ARL10: variants seen among roughly 807,000 people sequenced by gnomAD.
ARL10 encodes ADP-ribosylation factor-like protein 10.
Under a neutral mutation model 26.1 loss-of-function variants are expected in ARL10, and 23 were observed. That is an observed-to-expected ratio of 0.88 (90% CI 0.63 to 1.25). The LOEUF (loss-of-function observed/expected upper bound fraction) is 1.25, where lower values mean the gene tolerates loss of function less well. ARL10 is among the 50% of genes most tolerant of loss of function. The probability of loss-of-function intolerance (pLI) is 0.00; values close to 1 mark genes in which losing one functional copy is unlikely to be tolerated. For missense variants in ARL10, 300 were observed against 323.6 expected, an observed-to-expected ratio of 0.93 and a Z score of 0.56; for synonymous variants, 138 against 149.1, an observed-to-expected ratio of 0.93 and a Z score of 0.54.
chr5:176,373,006 A>G lies in ARL10; in HGVS notation c.*1111A>G, dbSNP rs1036659749. 6 of 398,550 alleles carry G rather than the reference A, an allele frequency of 1.5e-5. No individual in the cohort carries two copies. Among genetic ancestry groups the G allele is most frequent in the African/African-American group, 8.2e-5 (4 of 48,638 alleles). 24.7% of individuals were successfully genotyped at this position (398,550 alleles called of 1,614,324 possible). A position where few individuals can be genotyped will look rare whatever the true frequency, so the allele number is the denominator to read the frequency against. On this transcript the variant is annotated 3_prime_UTR_variant, in exon 4 of 4. Transcript: ENST00000310389. ...GCTTTGAGGCTGTCGTCGATATCATAGTACTTTACATGGATTCACATGAAC... is the reference window on the plus strand; with the variant it reads ...GCTTTGAGGCTGTCGTCGATATCATGGTACTTTACATGGATTCACATGAAC...
chr5:176,397,597 G>T (rs935357678), intron 1 of ARL10: 1 of 1,422,674 alleles, frequency 7.0e-7, no homozygotes. Context: ...TGTCCCTACA[G>T]CCCTCTCACC....
At position 176,368,047 on chromosome 5, in the gene ARL10, G is replaced by A; in HGVS notation, c.386-760G>A. 2.0e-6 allele frequency: 1 copy of A among 512,130 alleles called. No individual in the cohort carries two copies. The highest frequency in any genetic ancestry group is 1.4e-5 in the South Asian group (1 of 70,978). The allele number at this position is 512,130 out of a possible 1,614,324, so 31.7% of individuals were successfully genotyped here. The stretch of plus-strand genomic sequence containing the variant: ...GCTGAGGGCTTTGTGGGGATTCAGA[G>A]GTAAGTGCCTCTGACTCTCACAGCT... On this transcript the variant is annotated intron_variant, in intron 2 of 3. Transcript: ENST00000310389. This position sits in a 1 kb window ranked among gnomAD's most constrained non-coding sequence, Gnocchi z 4.1.
chr5:176,388,093 G>A (rs1756029967), intron 1 of ARL10: 1 of 632,770 alleles, frequency 1.6e-6, no homozygotes, highest in Admixed American at 2.8e-5. Flanking sequence ...CTCAACGTCA[G>A]TTGAGCGTTC....
the ARL10 span, among the ~76,000 whole-genome samples, chr5:176,409,062 C>A: frequency 6.6e-6 from 1 of 152,052 alleles, no homozygotes; most frequent in Non-Finnish European, 1.5e-5. Context: ...CCGCAACCTC[C>A]CACTCCCGGA....
intron 1 of ARL10, among the ~76,000 whole-genome samples, chr5:176,399,496 C>A (rs1044252512): frequency 2.0e-5 from 3 of 152,318 alleles, no homozygotes; most frequent in Admixed American, 2.0e-4. Flanking sequence ...AATCCCAGCA[C>A]TTCGGGAGGC....
chr5:176,383,546 C>G (rs942317120), downstream of ARL10, among the ~76,000 whole-genome samples: 4 of 152,200 alleles, frequency 2.6e-5, no homozygotes, highest in Non-Finnish European at 5.9e-5. Flanking sequence ...CACTTCAGAC[C>G]GAGGCCAACA....
At chr5:176,399,832 C>T (rs1051331442) in intron 1 of ARL10, among the ~76,000 whole-genome samples, 10 of 150,372 alleles carry the variant, frequency 6.7e-5, no homozygotes, top group Non-Finnish European at 1.3e-4. Flanking sequence ...GAGCAGAGAT[C>T]GTGCCACTGC....
At chr5:176,408,206 T>C in the ARL10 span, among the ~76,000 whole-genome samples, 1 of 151,120 alleles carries the variant, frequency 6.6e-6, no homozygotes, top group Non-Finnish European at 1.5e-5. Context: ...TAACTAGAAA[T>C]ACACTTACTA....
intron 1 of ARL10, chr5:176,397,762 T>A (rs1157398994): frequency 6.3e-7 from 1 of 1,580,582 alleles, no homozygotes; most frequent in Non-Finnish European, 8.7e-7. Context: ...CCAGCTGGGA[T>A]GCACAGGCCC....
chr5:176,366,292 G>A, intron 1 of ARL10, 88 bp from the exon 2 acceptor site: 1 of 1,468,988 alleles, frequency 6.8e-7, no homozygotes, highest in Non-Finnish European at 9.1e-7. Flanking sequence ...TGGAAGGCGG[G>A]CCTGGGCCCT....
chr5:176,384,079 G>T, downstream of ARL10: 1 of 1,591,816 alleles, frequency 6.3e-7, no homozygotes, highest in African/African-American at 1.3e-5. Context: ...TCCCCAGAGC[G>T]GGGAGTGTGC....
downstream of ARL10, among the ~76,000 whole-genome samples, chr5:176,389,973 A>C (rs1756195136): frequency 6.6e-6 from 1 of 152,058 alleles, no homozygotes; most frequent in Admixed American, 6.5e-5. Flanking sequence ...ACCTGAGGTC[A>C]AGAGTTCAAG....
chr5:176,394,284 G>C (rs960547449), intron 1 of ARL10, among the ~76,000 whole-genome samples: 1 of 152,230 alleles, frequency 6.6e-6, no homozygotes, highest in Non-Finnish European at 1.5e-5. Flanking sequence ...CATGACGACA[G>C]AGCCTGTCAG....
chr5:176,367,885 T>G, intron 2 of ARL10: 1 of 524,280 alleles, frequency 1.9e-6, no homozygotes, highest in South Asian at 1.4e-5. Flanking sequence ...TCCTTCCCAG[T>G]TAGGGAGGGA....
chr5:176,392,704 C>T (rs544092722), downstream of ARL10: 441 of 1,563,366 alleles, frequency 2.8e-4, 2 homozygotes, highest in African/African-American at 4.3e-3. This position sits in a 1 kb window ranked among gnomAD's most constrained non-coding sequence, Gnocchi z 5.2. Flanking sequence ...GTCTCCACCC[C>T]GACCAAAGCA....
At chr5:176,369,186 G>T (rs1349301579) in intron 3 of ARL10, 1 of 1,529,132 alleles carries the variant, frequency 6.5e-7, no homozygotes, top group Non-Finnish European at 8.7e-7. Flanking sequence ...CTGGAGAGAT[G>T]AGAAAAATAA....
chr5:176,405,269 G>A (rs947322731), downstream of ARL10, among the ~76,000 whole-genome samples: 4 of 152,030 alleles, frequency 2.6e-5, no homozygotes, highest in African/African-American at 9.7e-5. Context: ...CAGGAGGACT[G>A]CTTGAGCCCA....
chr5:176,411,999 A>G, the ARL10 span, among the ~76,000 whole-genome samples: 1 of 151,518 alleles, frequency 6.6e-6, no homozygotes, highest in African/African-American at 2.4e-5. Context: ...ACACGGTGAA[A>G]CCCCGTCTCT....
intron 1 of ARL10, among the ~76,000 whole-genome samples, chr5:176,366,168 G>A (rs66532964): frequency 0.1 from 15,476 of 152,276 alleles, 964 homozygotes; most frequent in Admixed American, 0.15. Context: ...GAGACCGGTG[G>A]AGGAAGCGGG....
Sources: allele counts gnomAD v4.1 joint callset (sites outside exome capture counted in the v4.1 genomes callset), GRCh38; gene constraint gnomAD v4.1.1; non-coding constraint Gnocchi (gnomAD v3.1); transcripts MANE v1.5; gene names NCBI Gene and HGNC (gene_info 2026-07-23, HGNC 2026-07-21).